The following VWF variants were observed in gnomAD, a reference collection of about 807,000 sequenced individuals.
The protein encoded by VWF is von Willebrand factor.
Under a neutral mutation model 308.6 loss-of-function variants are expected in VWF, and 176 were observed. The ratio of observed to expected loss-of-function variants is 0.57; its 90% CI spans 0.50 to 0.65. VWF has a LOEUF of 0.65. Among genes scored for constraint, VWF ranks in the 30% least tolerant of loss-of-function variants. The pLI, the probability that VWF is intolerant of heterozygous loss-of-function variation, is 0.00. For synonymous variants in VWF, 1,385 were observed against 1,443.4 expected (o/e 0.96, Z 0.92); for missense variants, 3,146 against 3,648.2 (o/e 0.86, Z 3.55).
Position 6,112,435 on chromosome 12 carries a change from C to T in VWF, c.221-1467G>A, listed in dbSNP as rs147169884. Reference sequence around the variant, plus strand: ...CAGAAGGGAAAATAGAGAGTCTGGTCTCAAGCCTTGGAGACTGAGAAATTA... The same window carrying T: ...CAGAAGGGAAAATAGAGAGTCTGGTTTCAAGCCTTGGAGACTGAGAAATTA... On this transcript the variant is annotated intron_variant, in intron 3 of 51. Transcript: ENST00000261405. Among the ~76,000 whole-genome samples the T allele has an allele frequency of 2.1e-3, 327 of 152,268 alleles. 4 individuals carry two copies. The highest frequency in any genetic ancestry group is 7.6e-3 in the African/African-American group (316 of 41,552).
chr12:5,992,713 C>T (rs548483763), intron 37 of VWF, among the ~76,000 whole-genome samples: 10 of 152,166 alleles, frequency 6.6e-5, no homozygotes, highest in Non-Finnish European at 1.5e-4. Flanking sequence ...TCATTTCCCT[C>T]GTTCTGATTC....
chr12:5,967,713 G>C (rs559692453), intron 46 of VWF, 111 bp from the exon 47 acceptor site: 8 of 943,282 alleles, frequency 8.5e-6, no homozygotes, highest in Non-Finnish European at 1.4e-5. Context: ...ATGAGCCATC[G>C]CTCTGCTGCT....
intron 25 of VWF, 133 bp downstream of exon 25, chr12:6,023,498 G>C: frequency 7.6e-7 from 1 of 1,323,092 alleles, no homozygotes; most frequent in Non-Finnish European, 1.1e-6. Context: ...CTTAGCCCTT[G>C]GCCATCCAGT....
chr12:6,102,761 T>C (rs1195332906), intron 5 of VWF, among the ~76,000 whole-genome samples: 1 of 151,812 alleles, frequency 6.6e-6, no homozygotes, highest in Non-Finnish European at 1.5e-5. Context: ...AAAAATAGAA[T>C]TGCCATGCTA....
intron 34 of VWF, among the ~76,000 whole-genome samples, chr12:6,006,198 T>C (rs568854617): frequency 3.3e-5 from 5 of 152,280 alleles, no homozygotes; most frequent in Admixed American, 2.6e-4. Flanking sequence ...GTTATAAGTA[T>C]AGGCTGTTTT....
At chr12:6,059,082 C>A (rs1194427010) in intron 13 of VWF, among the ~76,000 whole-genome samples, 2 of 152,168 alleles carry the variant, frequency 1.3e-5, no homozygotes, top group Non-Finnish European at 2.9e-5. Context: ...GTTAACAATC[C>A]AGTAGAAGGT....
intron 22 of VWF, among the ~76,000 whole-genome samples, chr12:6,026,626 A>G (rs1306874880): frequency 6.6e-6 from 1 of 152,214 alleles, no homozygotes; most frequent in African/African-American, 2.4e-5. Flanking sequence ...AGTTCTGAAA[A>G]AGTAGTTACG....
chr12:6,003,345 G>A (rs1047580616), intron 34 of VWF, among the ~76,000 whole-genome samples: 2 of 151,858 alleles, frequency 1.3e-5, no homozygotes, highest in Admixed American at 1.3e-4. Flanking sequence ...TGGGGATAGA[G>A]CTGTATAAGA....
intron 31 of VWF, among the ~76,000 whole-genome samples, chr12:6,015,525 A>G: frequency 6.6e-6 from 1 of 151,764 alleles, no homozygotes; most frequent in Non-Finnish European, 1.5e-5. Flanking sequence ...TGGTCCCTAG[A>G]CTCTACCACC....
intron 15 of VWF, among the ~76,000 whole-genome samples, chr12:6,054,470 A>C (rs1191206331): frequency 6.6e-6 from 1 of 152,226 alleles, no homozygotes; most frequent in East Asian, 1.9e-4. Flanking sequence ...CTGATAGGCT[A>C]TCTCTAGGGC....
At chr12:6,105,872 T>C (rs926800822) in intron 5 of VWF, among the ~76,000 whole-genome samples, 1 of 148,324 alleles carries the variant, frequency 6.7e-6, no homozygotes, top group African/African-American at 2.5e-5. Flanking sequence ...CCATCTCTAC[T>C]AAAAATACAA....
chr12:6,095,605 A>G (rs765219460), intron 5 of VWF, 21 bp from the exon 6 acceptor site: 2 of 1,614,088 alleles, frequency 1.2e-6, no homozygotes, highest in South Asian at 2.2e-5. Context: ...AAGTTTCAGG[A>G]AAGTAATGCT....
chr12:6,054,231 G>T (rs1944550220), intron 15 of VWF, among the ~76,000 whole-genome samples: 1 of 152,226 alleles, frequency 6.6e-6, no homozygotes, highest in South Asian at 2.1e-4. Flanking sequence ...CCTGAACTTG[G>T]TGTTTGAAGG....
chr12:6,051,990 T>C (rs928718375), intron 16 of VWF, among the ~76,000 whole-genome samples: 1 of 152,182 alleles, frequency 6.6e-6, no homozygotes, highest in African/African-American at 2.4e-5. Context: ...TCAACAAATG[T>C]CCTGTTGTAA....
In VWF at chr12:6,019,683, C is replaced by A. The variant is rs148499318; in HGVS notation, c.3735G>T (p.Val1245=). Reference sequence around the variant, plus strand: ...GGCTCACCGGGGCATCTGTGGGAGGCACCACCAGGCCTCCCGGCTCCTGGC... The same window carrying A: ...GGCTCACCGGGGCATCTGTGGGAGGAACCACCAGGCCTCCCGGCTCCTGGC... ...EACQEPGGLV[V]PPTDAPVSPT... is the part of the protein sequence containing the mutation. Residue 1245 remains valine, a synonymous_variant, in exon 28 of 52, where the codon GTG becomes GTT. Coordinates refer to ENST00000261405, the MANE Select transcript of VWF (RefSeq NM_000552.5). This position sits in a 1 kb window ranked among gnomAD's most constrained non-coding sequence, Gnocchi z 5.8. 6.2e-7 allele frequency: 1 copy of A among 1,613,740 alleles called. No individual in the cohort carries two copies. Among genetic ancestry groups the A allele is most frequent in the Non-Finnish European group, 8.5e-7 (1 of 1,179,782 alleles).
chr12:5,980,115 GAAGGAAGGAAGGAAGGAAGGAAGA>G (rs1326318205), intron 42 of VWF, among the ~76,000 whole-genome samples: 2 of 127,440 alleles, frequency 1.6e-5, no homozygotes, highest in African/African-American at 5.9e-5. Flanking sequence ...AGGAAGGAAG[GAAGGAAGGAAGGAAGGAAGGAAGA>G]AAGGAGTGAG....
chr12:6,057,100 A>G, intron 14 of VWF, 28 bp from the exon 15 acceptor site: 1 of 1,522,904 alleles, frequency 6.6e-7, no homozygotes, highest in Non-Finnish European at 8.8e-7. Flanking sequence ...CGAGCCTGGG[A>G]TGTGGTGGGG....
rs368419568 is a variant in VWF at position 5,993,997 on chromosome 12, C to A, written c.6463G>T (p.Ala2155Ser). The part of the protein sequence containing the change: ...PLFAECHKVL[A>S]PATFYAICQQ... ...CAGATGGCATAGAATGTGGCTGGAG[C>A]CAGGACCTTGTGGCATTCAGCAAAC... is the stretch of plus-strand genomic sequence containing the variant. The change falls in exon 37 of 52, where the codon GCT (alanine) becomes TCT (serine). Residue 2155 changes from alanine (A) to serine (S), a missense_variant. By Grantham distance (99) the Ala-to-Ser change is moderately conservative (BLOSUM62 1). Transcript: ENST00000261405. 15 of 1,614,042 alleles carry A rather than the reference C, an allele frequency of 9.3e-6. No homozygotes were observed. Among genetic ancestry groups the A allele is most frequent in the East Asian group, 4.5e-5 (2 of 44,888 alleles).
intron 10 of VWF, among the ~76,000 whole-genome samples, chr12:6,067,287 T>C (rs1441071115): frequency 6.6e-6 from 1 of 152,252 alleles, no homozygotes; most frequent in Non-Finnish European, 1.5e-5. Flanking sequence ...TCAAATGTCT[T>C]GACCCCAGGG....
Sources: gnomAD v4.1 joint callset for allele counts (sites outside exome capture counted in the v4.1 genomes callset) on GRCh38, gnomAD v4.1.1 for gene constraint, Gnocchi (gnomAD v3.1) non-coding constraint, MANE v1.5 for transcripts, NCBI Gene and HGNC (gene_info 2026-07-23, HGNC 2026-07-21) for gene names.